Variants in ERBB2 observed in about 807,000 individuals in gnomAD.
ERBB2 encodes the protein receptor tyrosine-protein kinase erbB-2.
ERBB2 carries 61 observed loss-of-function variants against 149.0 expected under a neutral mutation model. That is an observed-to-expected ratio of 0.41 (90% CI 0.33 to 0.51). ERBB2 has a LOEUF of 0.51. Ranked by LOEUF, ERBB2 falls within the 20% of genes least tolerant of loss-of-function variation. The pLI, the probability that ERBB2 is intolerant of heterozygous loss-of-function variation, is 0.25. For synonymous variants in ERBB2, 633 were observed against 678.8 expected (o/e 0.93, Z 1.05); for missense variants, 1,205 against 1,655.1 (o/e 0.73, Z 4.72).
intron 9 of ERBB2, among the ~76,000 whole-genome samples, chr17:39,713,709 C>T (rs532761555): frequency 8.8e-5 from 13 of 148,504 alleles, no homozygotes; most frequent in South Asian, 8.5e-4. Context: ...GCTGAGATTT[C>T]GCTATTGCAC....
At chr17:39,691,504 A>T (rs940294307), upstream of ERBB2, among the ~76,000 whole-genome samples, 1 of 149,290 alleles carries the variant, frequency 6.7e-6, no homozygotes, top group Non-Finnish European at 1.5e-5. Flanking sequence ...GGATTATGCC[A>T]CTGCACTCCA....
chr17:39,710,967 T>C (rs909109104), intron 7 of ERBB2, among the ~76,000 whole-genome samples: 3 of 152,248 alleles, frequency 2.0e-5, no homozygotes, highest in Non-Finnish European at 4.4e-5. Flanking sequence ...TGGCGCGATC[T>C]CGGCTCACTG....
rs879935640 is a variant in ERBB2 at position 39,722,729 on chromosome 17, C to CT, written c.1947-578dup. Among the ~76,000 whole-genome samples the CT allele has an allele frequency of 8.7e-3, 1,255 of 144,792 alleles. 12 individuals carry two copies. The highest frequency in any genetic ancestry group is 0.026 in the African/African-American group (1,032 of 39,844). 95.0% of individuals were successfully genotyped at this position (144,792 alleles called of 152,430 possible). ...TGTGTATTAACAGTCTCCTTAGTGA[C>CT]TTTTTTTTTTTTGAGATGGAGTCTT... is the stretch of plus-strand genomic sequence containing the variant. On this transcript the variant is annotated intron_variant, in intron 16 of 26. Transcript: ENST00000269571.
chr17:39,704,752 A>G (rs994654911), intron 1 of ERBB2, among the ~76,000 whole-genome samples: 2 of 152,072 alleles, frequency 1.3e-5, no homozygotes, highest in Non-Finnish European at 2.9e-5. Flanking sequence ...CCTGTCTGCA[A>G]ACACTTTAAG....
Position 39,723,717 on chromosome 17 carries a change from G to A in ERBB2, c.2208+57G>A. On this transcript the variant is annotated intron_variant, in intron 18 of 26. Transcript: ENST00000269571. The surrounding 1 kb of genome is among the most constrained non-coding windows in gnomAD (Gnocchi z 6.2). ...AGAGGATGGGGGCGGTGCCTGGAGG[G>A]GTGTGGTCGGCAGTTCTGATGGGAG... 1 of 1,567,774 alleles carries A rather than the reference G, an allele frequency of 6.4e-7. No individual in the cohort carries two copies. The highest frequency in any genetic ancestry group is 1.9e-5 in the Admixed American group (1 of 52,914).
Position 39,726,579 on chromosome 17 carries a change from G to A in ERBB2, c.2890G>A (p.Glu964Lys), listed in dbSNP as rs767813285. 5 of 1,614,148 alleles carry A rather than the reference G, an allele frequency of 3.1e-6. No homozygotes were observed. Among genetic ancestry groups the A allele is most frequent in the Non-Finnish European group, 4.2e-6 (5 of 1,179,994 alleles). ...IMVKCWMIDS[E>K]CRPRFRELVS... ...TGCCCCAGGTTGGATGATTGACTCT[G>A]AATGTCGGCCAAGATTCCGGGAGTT... Residue 964 changes from glutamate (E) to lysine (K), a missense_variant, in exon 24 of 27, where the codon GAA becomes AAA. Glu to Lys is a moderately conservative substitution (Grantham distance 56). Coordinates refer to ENST00000269571, the MANE Select transcript of ERBB2 (RefSeq NM_004448.4). The surrounding 1 kb of genome is among the most constrained non-coding windows in gnomAD (Gnocchi z 5.1).
chr17:39,725,603 C>T lies in ERBB2; in HGVS notation c.2726-104C>T. 7.5e-7 allele frequency: 1 copy of T among 1,338,974 alleles called. No homozygotes were observed. Among genetic ancestry groups the T allele is most frequent in the Non-Finnish European group, 1.0e-6 (1 of 966,652 alleles). The allele number at this position is 1,338,974 out of a possible 1,614,324, so 82.9% of individuals were successfully genotyped here. A position where few individuals can be genotyped will look rare whatever the true frequency, so the allele number is the denominator to read the frequency against. ...GGGTCTGTCTCCTGGCATCACATCT[C>T]CCCCTGCTACCTGCCATGATGCTAG... On this transcript the variant is annotated intron_variant, in intron 22 of 26. Transcript: ENST00000269571. This position sits in a 1 kb window ranked among gnomAD's most constrained non-coding sequence, Gnocchi z 4.6.
chr17:39,723,787 G>A lies in ERBB2; in HGVS notation c.2209-125G>A, dbSNP rs2059580846. 5 of 1,502,704 alleles carry A rather than the reference G, an allele frequency of 3.3e-6. No individual in the cohort carries two copies. The highest frequency in any genetic ancestry group is 2.8e-5 in the African/African-American group (2 of 72,540). 93.1% of individuals were successfully genotyped at this position (1,502,704 alleles called of 1,614,324 possible). ...TGTTTGGGGGAGGGCAGTTACAGCG[G>A]AGAAGGGAGCGGGGCCAAGCCCTAG... On this transcript the variant is annotated intron_variant, in intron 18 of 26. Coordinates refer to ENST00000269571, the MANE Select transcript of ERBB2 (RefSeq NM_004448.4). This position sits in a 1 kb window ranked among gnomAD's most constrained non-coding sequence, Gnocchi z 6.2.
intron 15 of ERBB2, chr17:39,717,717 A>T (rs1276052244): frequency 9.5e-6 from 4 of 419,438 alleles, no homozygotes; most frequent in Non-Finnish European, 1.7e-5. Context: ...TTGTCTGTGC[A>T]CATTCTAATA....
In ERBB2 at chr17:39,715,793, G is replaced by A. The variant is rs2059087492; in HGVS notation, c.1367G>A (p.Arg456His). The change falls in exon 12 of 27, where the codon CGC becomes CAC. Residue 456 changes from arginine to histidine, a missense_variant. By Grantham distance (29) the Arg-to-His change is conservative. This residue lies in a region of ERBB2 where 569 missense variants were observed against 803.5 expected (regional missense o/e 0.71). Transcript: ENST00000269571. ...CTGGGCATCAGCTGGCTGGGGCTGC[G>A]CTCACTGAGGGAACTGGGCAGTGGA... is the stretch of plus-strand genomic sequence containing the variant. ...QGLGISWLGLRSLRELGSGLA... is the reference protein window; with the variant it reads ...QGLGISWLGLHSLRELGSGLA... 3.1e-6 allele frequency: 5 copies of A among 1,609,570 alleles called. No individual in the cohort carries two copies. Among genetic ancestry groups the A allele is most frequent in the South Asian group, 1.1e-5 (1 of 91,080 alleles).
chr17:39,689,414 G>A (rs972722449), intron 2 of ERBB2, among the ~76,000 whole-genome samples: 1 of 152,148 alleles, frequency 6.6e-6, no homozygotes, highest in Non-Finnish European at 1.5e-5. Context: ...GGAGCTGACC[G>A]GAAATCCAGT....
chr17:39,714,094 TC>T (rs1357634142), intron 9 of ERBB2, among the ~76,000 whole-genome samples: 2 of 151,536 alleles, frequency 1.3e-5, no homozygotes, highest in Non-Finnish European at 2.9e-5. Context: ...CTTTCACACT[TC>T]CTTTACCTCC....
intron 2 of ERBB2, 42 bp downstream of exon 2, chr17:39,707,183 GGGCTGAGCCCTCT>G: frequency 6.7e-7 from 1 of 1,495,064 alleles, no homozygotes; most frequent in Middle Eastern, 1.9e-4. Flanking sequence ...GCCTCCAGCT[GGGCTGAGCCCTCT>G]GTTTACAGGT....
In ERBB2 at chr17:39,710,328, C is replaced by T. The variant is rs1368738205; in HGVS notation, c.760-12C>T. ...AAACAGCACAGTGAAAGCCAGCCAC[C>T]TGTCCCCCCAGGCCTGCCTCCACTT... On this transcript the variant is annotated splice_polypyrimidine_tract_variant and intron_variant, in intron 6 of 26. Transcript: ENST00000269571. 4 of 1,613,978 alleles carry T rather than the reference C, an allele frequency of 2.5e-6. No homozygotes were observed. The highest frequency in any genetic ancestry group is 2.7e-5 in the African/African-American group (2 of 74,934).
rs1033809080 is a variant in ERBB2, at chr17:39,728,516, G to C, written c.*472G>C. 13 of 238,106 alleles carry C rather than the reference G, an allele frequency of 5.5e-5. No homozygotes were observed. Among genetic ancestry groups the C allele is most frequent in the Non-Finnish European group, 9.9e-5 (12 of 121,706 alleles). The allele number at this position is 238,106 out of a possible 1,614,324, so 14.7% of individuals were successfully genotyped here. On this transcript the variant is annotated 3_prime_UTR_variant, in exon 27 of 27. Coordinates refer to ENST00000269571, the MANE Select transcript of ERBB2 (RefSeq NM_004448.4). The stretch of plus-strand genomic sequence containing the variant: ...CAGGCTTTGTACAGAGTGCTTTTCT[G>C]TTTAGTTTTTACTTTTTTTGTTTTG...
rs138611862 is a variant in ERBB2, at chr17:39,727,706, G to C, written c.3430G>C (p.Asp1144His). 2.8e-4 allele frequency: 442 copies of C among 1,555,848 alleles called. 6 individuals are homozygous for C. The East Asian group carries it at 9.8e-3, about 35-fold the overall frequency. Residue 1144 changes from aspartate (D) to histidine (H), a missense_variant, in exon 27 of 27, where the codon GAT (aspartate) becomes CAT (histidine). Physicochemically the swap from Asp to His is moderately conservative, Grantham distance 81. Around this residue, in one of 6 missense-constraint regions of ERBB2, gnomAD observed 312 missense variants for 343.8 expected, o/e 0.91. Transcript: ENST00000269571. This position sits in a 1 kb window ranked among gnomAD's most constrained non-coding sequence, Gnocchi z 4.3. Reference sequence around the variant, plus strand: ...CCTTTCAGAATATGTGAACCAGCCAGATGTTCGGCCCCAGCCCCCTTCGCC... The same window carrying C: ...CCTTTCAGAATATGTGAACCAGCCACATGTTCGGCCCCAGCCCCCTTCGCC... Reference protein sequence around the residue: ...SPQPEYVNQPDVRPQPPSPRE... With the variant: ...SPQPEYVNQPHVRPQPPSPRE...
In ERBB2 at chr17:39,725,423, G is replaced by A. The variant is rs2143028665; in HGVS notation, c.2725+21G>A. Reference sequence around the variant, plus strand: ...TTATGGTGTGTGATGGGGGGTGTTGGGAGGGGTGGGTGAGGAGCCATGGCT... The same window carrying A: ...TTATGGTGTGTGATGGGGGGTGTTGAGAGGGGTGGGTGAGGAGCCATGGCT... On this transcript the variant is annotated intron_variant, in intron 22 of 26. Transcript: ENST00000269571. This position sits in a 1 kb window ranked among gnomAD's most constrained non-coding sequence, Gnocchi z 4.6. 1 of 1,604,124 alleles carries A rather than the reference G, an allele frequency of 6.2e-7. No homozygotes were observed. Among genetic ancestry groups the A allele is most frequent in the Non-Finnish European group, 8.5e-7 (1 of 1,171,096 alleles).
At chr17:39,696,170 C>G (rs1187340582), upstream of ERBB2, among the ~76,000 whole-genome samples, 1 of 152,230 alleles carries the variant, frequency 6.6e-6, no homozygotes, top group African/African-American at 2.4e-5. Flanking sequence ...GCGCCCACCC[C>G]TGCCCCCCTT....
intron 15 of ERBB2, among the ~76,000 whole-genome samples, chr17:39,718,162 A>G (rs1597877486): frequency 6.6e-6 from 1 of 152,142 alleles, no homozygotes; most frequent in East Asian, 1.9e-4. Flanking sequence ...ATTGTTTGCA[A>G]ATTGCTTTTT....
Sources: allele counts gnomAD v4.1 joint callset (sites outside exome capture counted in the v4.1 genomes callset), GRCh38; gene constraint gnomAD v4.1.1; regional missense constraint gnomAD v4.1.1; non-coding constraint Gnocchi (gnomAD v3.1); transcripts MANE v1.5; gene names NCBI Gene and HGNC (gene_info 2026-07-23, HGNC 2026-07-21).